Variants in LRP5 observed in about 807,000 individuals in gnomAD.
LRP5 encodes low-density lipoprotein receptor-related protein 5.
Under a neutral mutation model 154.1 loss-of-function variants are expected in LRP5, and 62 were observed. The observed-to-expected ratio is 0.40, with a 90% CI of 0.33 to 0.50. The LOEUF is 0.50. LRP5 is among the 20% of genes least tolerant of loss of function. LRP5 has a pLI of 0.55. For synonymous variants in LRP5, 966 were observed against 1,011.5 expected (o/e 0.96, Z 0.85); for missense variants, 1,915 against 2,336.7 (o/e 0.82, Z 3.72).
chr11:68,347,919 C>T lies in LRP5; in HGVS notation c.164C>T (p.Ser55Phe), dbSNP rs148462220. 296 of 1,613,546 alleles carry T rather than the reference C, an allele frequency of 1.8e-4. No individual in the cohort carries two copies. The highest frequency in any genetic ancestry group is 2.7e-4 in the Admixed American group (16 of 60,010). ...LVDAGGVKLE[S>F]TIVVSGLEDA... ...GACGCCGGCGGAGTCAAGCTGGAGT[C>T]CACCATCGTGGTCAGCGGCCTGGAG... The change falls in exon 2 of 23, where the codon TCC (serine) becomes TTC (phenylalanine). Residue 55 changes from serine (S) to phenylalanine (F), a missense_variant. Transcript: ENST00000294304.
intron 16 of LRP5, 24 bp from the exon 17 acceptor site, chr11:68,429,551 G>A (rs747502206): frequency 6.2e-7 from 1 of 1,613,874 alleles, no homozygotes; most frequent in Non-Finnish European, 8.5e-7. Flanking sequence ...CCTGACCTCT[G>A]TTTGTCTTGT....
chr11:68,431,231 C>CTTTTTTTTTT (rs34840282), intron 17 of LRP5, among the ~76,000 whole-genome samples: 4 of 92,974 alleles, frequency 4.3e-5, no homozygotes, highest in East Asian at 3.6e-4. Flanking sequence ...GCTGTGCACC[C>CTTTTTTTTTT]TTTTTTTTTT....
At chr11:68,382,940 C>G (rs566401199) in intron 5 of LRP5, among the ~76,000 whole-genome samples, 1 of 151,922 alleles carries the variant, frequency 6.6e-6, no homozygotes, top group East Asian at 1.9e-4. Flanking sequence ...TGCAGTGGCG[C>G]GATCTCAGCT....
intron 17 of LRP5, among the ~76,000 whole-genome samples, chr11:68,430,216 C>T (rs2098671139): frequency 6.6e-6 from 1 of 152,228 alleles, no homozygotes; most frequent in East Asian, 1.9e-4. Flanking sequence ...CTCTGTCACT[C>T]AGGCTGGAGT....
chr11:68,439,770 C>A lies in LRP5; in HGVS notation c.4349-7C>A, dbSNP rs751497131. ...CCACCTGACCTCCCCCGTCCCTTCC[C>A]TGCCAGGCATCGCATGCGGAAAGTC... On this transcript the variant is annotated splice_region_variant and splice_polypyrimidine_tract_variant and intron_variant, in intron 20 of 22. Transcript: ENST00000294304. The A allele has an allele frequency of 2.5e-6, 4 of 1,609,682 alleles. No homozygotes were observed. In the South Asian group the frequency reaches 4.4e-5, roughly 18 times the overall value.
chr11:68,363,430 G>A (rs575902613), intron 3 of LRP5, among the ~76,000 whole-genome samples: 2 of 152,320 alleles, frequency 1.3e-5, no homozygotes, highest in South Asian at 2.1e-4. Context: ...GCTGAGGTGG[G>A]TGGATCACCT....
At chr11:68,388,999 G>A (rs1260468898) in intron 6 of LRP5, among the ~76,000 whole-genome samples, 2 of 151,722 alleles carry the variant, frequency 1.3e-5, no homozygotes, top group Non-Finnish European at 1.5e-5. Flanking sequence ...TACCAACACT[G>A]TTTACCAACA....
chr11:68,446,195 C>T (rs1224962814), intron 21 of LRP5, among the ~76,000 whole-genome samples: 5 of 152,200 alleles, frequency 3.3e-5, no homozygotes, highest in Admixed American at 2.0e-4. Context: ...CTTGGAAGGG[C>T]GCGGGCACCT....
Position 68,421,900 on chromosome 11 carries a change from G to A in LRP5, c.3028-1589G>A, listed in dbSNP as rs907524078. ...CCAAGAGACTGGGCCTGGGGAAGAC[G>A]CTTCTTTTTATCTACTTAGAGACTT... On this transcript the variant is annotated intron_variant, in intron 13 of 22. Coordinates refer to ENST00000294304, the MANE Select transcript of LRP5 (RefSeq NM_002335.4). Among the ~76,000 whole-genome samples the A allele has an allele frequency of 4.6e-5, 7 of 151,852 alleles. No homozygotes were observed. In the South Asian group the frequency reaches 8.3e-4, roughly 18 times the overall value.
chr11:68,365,768 GCCGGGGGTGCC>G (rs2098630729), intron 5 of LRP5, 66 bp downstream of exon 5: 4 of 1,433,658 alleles, frequency 2.8e-6, no homozygotes, highest in Non-Finnish European at 3.7e-6. Flanking sequence ...GGTTGCGGCC[GCCGGGGGTGCC>G]CCAGAAGGAA....
At chr11:68,429,774 G>C (rs2098670914) in intron 17 of LRP5, 74 bp downstream of exon 17, 1 of 1,597,830 alleles carries the variant, frequency 6.3e-7, no homozygotes, top group Admixed American at 1.7e-5. Flanking sequence ...CTGCTGCCTG[G>C]CATCCTTTTA....
At chr11:68,433,909 C>A in intron 18 of LRP5, 71 bp downstream of exon 18, 1 of 1,456,996 alleles carries the variant, frequency 6.9e-7, no homozygotes, top group South Asian at 1.2e-5. Flanking sequence ...TTGGGGCTGC[C>A]TCCGGCCTCA....
chr11:68,338,029 T>C (rs1431938136), intron 1 of LRP5, among the ~76,000 whole-genome samples: 1 of 152,136 alleles, frequency 6.6e-6, no homozygotes, highest in Non-Finnish European at 1.5e-5. Context: ...TGTGCGTGTG[T>C]GTGTGTATGT....
At chr11:68,425,733 C>A (rs2098668397) in intron 15 of LRP5, among the ~76,000 whole-genome samples, 1 of 152,176 alleles carries the variant, frequency 6.6e-6, no homozygotes, top group African/African-American at 2.4e-5. Flanking sequence ...GGGCCAGTGA[C>A]CGAGGCCCGC....
At chr11:68,370,615 A>C (rs2098633523) in intron 5 of LRP5, among the ~76,000 whole-genome samples, 1 of 152,196 alleles carries the variant, frequency 6.6e-6, no homozygotes, top group South Asian at 2.1e-4. Context: ...CTGAGCACGC[A>C]GCTCCACGCT....
At chr11:68,419,573 T>G (rs1382465432) in intron 13 of LRP5, among the ~76,000 whole-genome samples, 1 of 127,892 alleles carries the variant, frequency 7.8e-6, no homozygotes, top group African/African-American at 3.0e-5. Flanking sequence ...GGAGTCTCAC[T>G]CTATCGCCCA....
chr11:68,397,509 A>G (rs991059907), intron 7 of LRP5, among the ~76,000 whole-genome samples: 2 of 152,060 alleles, frequency 1.3e-5, no homozygotes, highest in Non-Finnish European at 2.9e-5. Context: ...CATGGTGGGG[A>G]CATCCTGCTT....
At chr11:68,357,994 G>C in intron 3 of LRP5, 147 bp downstream of exon 3, 2 of 770,848 alleles carry the variant, frequency 2.6e-6, no homozygotes, top group Non-Finnish European at 2.2e-6. Context: ...TTGGAACAGC[G>C]TCAGGGTCTG....
At chr11:68,364,490 G>A (rs761960681) in intron 4 of LRP5, among the ~76,000 whole-genome samples, 18 of 151,934 alleles carry the variant, frequency 1.2e-4, no homozygotes, top group Non-Finnish European at 7.4e-5. Flanking sequence ...CCAAAGTGCT[G>A]GGGTCACAGG....
Sources: gnomAD v4.1 joint callset for allele counts (sites outside exome capture counted in the v4.1 genomes callset) on GRCh38, gnomAD v4.1.1 for gene constraint, MANE v1.5 for transcripts, NCBI Gene and HGNC (gene_info 2026-07-23, HGNC 2026-07-21) for gene names.